FILIP1: variants seen among roughly 807,000 people sequenced by gnomAD.
FILIP1 encodes the protein filamin-A-interacting protein 1.
FILIP1 carries 61 observed loss-of-function variants against 102.1 expected under a neutral mutation model. The ratio of observed to expected loss-of-function variants is 0.60; its 90% confidence interval spans 0.49 to 0.74. FILIP1 has a LOEUF of 0.74. Ranked by LOEUF, FILIP1 falls within the 30% of genes least tolerant of loss-of-function variation. The probability of loss-of-function intolerance (pLI) is 0.00; values close to 1 mark genes in which losing one functional copy is unlikely to be tolerated. For synonymous variants in FILIP1, 491 were observed against 526.9 expected (o/e 0.93, Z 0.93); for missense variants, 1,314 against 1,441.2 (o/e 0.91, Z 1.43).
At chr6:75,354,383 C>T (rs1438442573) in intron 3 of FILIP1, among the ~76,000 whole-genome samples, 2 of 151,914 alleles carry the variant, frequency 1.3e-5, no homozygotes, top group Admixed American at 6.5e-5. Flanking sequence ...CCAGCCTGAC[C>T]AACATGGTGA....
chr6:75,361,766 C>G (rs2149611689), intron 3 of FILIP1: 1 of 152,332 alleles, frequency 6.6e-6, no homozygotes, highest in Middle Eastern at 3.4e-3. Context: ...TAGCCATACA[C>G]AGCTAGCAGT....
At chr6:75,372,666 A>G (rs1775573166) in intron 2 of FILIP1, among the ~76,000 whole-genome samples, 2 of 66,870 alleles carry the variant, frequency 3.0e-5, no homozygotes, top group South Asian at 4.9e-4. Context: ...AGAAAGAAAG[A>G]AAGAAAGAAA....
chr6:75,432,301 T>C (rs576445563), intron 1 of FILIP1, among the ~76,000 whole-genome samples: 3 of 152,354 alleles, frequency 2.0e-5, no homozygotes, highest in South Asian at 2.1e-4. Context: ...ATCTACTTTA[T>C]TGTTTTCGAA....
intron 2 of FILIP1, among the ~76,000 whole-genome samples, chr6:75,393,503 G>A (rs979527316): frequency 1.3e-5 from 2 of 151,968 alleles, no homozygotes; most frequent in African/African-American, 4.8e-5. Flanking sequence ...AGAAAGGATT[G>A]GCCTTTCCAC....
At chr6:75,463,232 C>T (rs900945618) in intron 1 of FILIP1, among the ~76,000 whole-genome samples, 13 of 152,316 alleles carry the variant, frequency 8.5e-5, no homozygotes, top group Admixed American at 5.9e-4. Context: ...CCATACCCCC[C>T]TTTCCCTAAC....
At position 75,321,988 on chromosome 6, in the gene FILIP1, T is replaced by C. The variant is rs118051960; in HGVS notation, c.630-6786A>G. ...ACAGATACAGAGAAAGAGGGAGCCA[T>C]GGAGAAACACAGGAGCACCCAAGGA... On this transcript the variant is annotated intron_variant, in intron 4 of 5. Coordinates refer to ENST00000237172, the MANE Select transcript of FILIP1 (RefSeq NM_015687.5). Among the ~76,000 whole-genome samples the C allele has an allele frequency of 1.3e-3, 196 of 152,148 alleles. 6 individuals carry two copies. In the East Asian group the frequency reaches 0.037, roughly 28 times the overall value.
At chr6:75,402,101 G>A (rs989635898) in intron 2 of FILIP1, among the ~76,000 whole-genome samples, 10 of 152,168 alleles carry the variant, frequency 6.6e-5, no homozygotes, top group Admixed American at 5.9e-4. Flanking sequence ...TTATTAATAT[G>A]TCTTTTTTTA....
intron 2 of FILIP1, among the ~76,000 whole-genome samples, chr6:75,401,312 G>A (rs1293360276): frequency 2.0e-5 from 3 of 152,000 alleles, no homozygotes; most frequent in Admixed American, 6.6e-5. Flanking sequence ...CATTCTGATC[G>A]CCTTCCTTTC....
At chr6:75,312,122 T>C (rs938720544) in intron 5 of FILIP1, among the ~76,000 whole-genome samples, 1 of 152,214 alleles carries the variant, frequency 6.6e-6, no homozygotes, top group African/African-American at 2.4e-5. Flanking sequence ...TATGCTACCA[T>C]TTCAAAGAGG....
Position 75,414,736 on chromosome 6 carries a change from G to T in FILIP1, c.237C>A (p.Asp79Glu). 6.2e-7 allele frequency: 1 copy of T among 1,613,768 alleles called. No individual in the cohort carries two copies. Among genetic ancestry groups the T allele is most frequent in the Non-Finnish European group, 8.5e-7 (1 of 1,179,758 alleles). ...TKKSLELSKE[D>E]LIQLLSIMEG... Reference sequence around the variant, plus strand: ...CCATTATACTGAGTAGTTGGATGAGGTCTTCTTTGGATAACTCCAGGGATT... The same window carrying T: ...CCATTATACTGAGTAGTTGGATGAGTTCTTCTTTGGATAACTCCAGGGATT... Residue 79 changes from aspartate to glutamate, a missense_variant, in exon 2 of 6, where the codon GAC (aspartate) becomes GAA (glutamate). Physicochemically the swap from Asp to Glu is conservative, Grantham distance 45. Transcript: ENST00000237172.
At chr6:75,439,601 A>C (rs1778140405) in intron 1 of FILIP1, among the ~76,000 whole-genome samples, 1 of 152,250 alleles carries the variant, frequency 6.6e-6, no homozygotes, top group South Asian at 2.1e-4. Context: ...AGGTTTGGAA[A>C]GATTTAGGTA....
chr6:75,469,723 A>G (rs904020017), intron 1 of FILIP1, among the ~76,000 whole-genome samples: 2 of 152,124 alleles, frequency 1.3e-5, no homozygotes, highest in African/African-American at 4.8e-5. Context: ...ATGATCAAGT[A>G]AGGTTTATCC....
At chr6:75,426,571 C>T (rs562324827) in intron 1 of FILIP1, among the ~76,000 whole-genome samples, 2 of 152,192 alleles carry the variant, frequency 1.3e-5, no homozygotes, top group East Asian at 3.9e-4. Flanking sequence ...GACATGCTAA[C>T]AGGAGAGTCA....
intron 2 of FILIP1, among the ~76,000 whole-genome samples, chr6:75,364,789 C>T (rs1775275064): frequency 6.6e-6 from 1 of 152,166 alleles, no homozygotes; most frequent in South Asian, 2.1e-4. Flanking sequence ...AATACAAATC[C>T]TTGGCATCAT....
intron 3 of FILIP1, among the ~76,000 whole-genome samples, chr6:75,359,793 C>T (rs938721228): frequency 1.2e-4 from 18 of 152,146 alleles, no homozygotes; most frequent in African/African-American, 4.1e-4. Context: ...AGAGTAAGGT[C>T]TGATCCCTTC....
intron 1 of FILIP1, among the ~76,000 whole-genome samples, chr6:75,453,697 AGCTACTCTGGAG>A (rs1307711601): frequency 5.9e-5 from 9 of 152,154 alleles, no homozygotes; most frequent in Non-Finnish European, 1.3e-4. Context: ...CTCTAGTCCT[AGCTACTCTGGAG>A]GCTGGTGCAG....
chr6:75,424,112 C>T (rs1777559668), intron 1 of FILIP1, among the ~76,000 whole-genome samples: 1 of 152,090 alleles, frequency 6.6e-6, no homozygotes, highest in South Asian at 2.1e-4. Flanking sequence ...TAGCCATTTG[C>T]CCAAACAATA....
At chr6:75,398,156 T>C (rs1355047415) in intron 2 of FILIP1, 1 of 152,196 alleles carries the variant, frequency 6.6e-6, no homozygotes, top group Non-Finnish European at 1.5e-5. Flanking sequence ...TTATGCACTA[T>C]CACAGTGAAA....
intron 4 of FILIP1, among the ~76,000 whole-genome samples, chr6:75,330,486 C>T (rs1412680583): frequency 1.3e-5 from 2 of 151,932 alleles, no homozygotes; most frequent in Admixed American, 6.6e-5. Flanking sequence ...TGCAGGAAGG[C>T]CTATTTCACA....
Sources: allele counts gnomAD v4.1 joint callset (sites outside exome capture counted in the v4.1 genomes callset), GRCh38; gene constraint gnomAD v4.1.1; transcripts MANE v1.5; gene names NCBI Gene and HGNC (gene_info 2026-07-23, HGNC 2026-07-21).